DCHS2: variants seen among roughly 807,000 people sequenced by gnomAD.
DCHS2 encodes dachsous cadherin-related 2, also known as protocadherin-23.
Under a neutral mutation model 182.4 loss-of-function variants are expected in DCHS2, and 142 were observed. The ratio of observed to expected loss-of-function variants is 0.78; its 90% CI spans 0.68 to 0.89. The LOEUF (loss-of-function observed/expected upper bound fraction) is 0.89. DCHS2 is among the 40% of genes least tolerant of loss of function. DCHS2 has a pLI of 0.00. For synonymous variants in DCHS2, 1,740 were observed against 1,663.3 expected (o/e 1.05, Z -1.12); for missense variants, 4,319 against 4,198.6 (o/e 1.03, Z -0.79).
In DCHS2 at chr4:154,490,838, T is replaced by C; in HGVS notation, c.518A>G (p.Gln173Arg). ...CGGGCTGAGCTCGGAGACGTCGAGT[T>C]GCAGGGAGTCGAGGGGAAAGCGGGG... is the stretch of plus-strand genomic sequence containing the variant. ...HSPRFPLDSL[Q>R]LDVSELSPPG... The change falls in exon 1 of 20, where the codon CAA (glutamine) becomes CGA (arginine). Residue 173 changes from glutamine to arginine, a missense_variant. Coordinates refer to ENST00000357232, the MANE Select transcript of DCHS2 (RefSeq NM_001358235.2). 1.3e-6 allele frequency: 2 copies of C among 1,551,584 alleles called. No individual in the cohort carries two copies. Among genetic ancestry groups the C allele is most frequent in the Non-Finnish European group, 1.7e-6 (2 of 1,146,934 alleles).
intron 13 of DCHS2, among the ~76,000 whole-genome samples, chr4:154,288,103 T>C (rs1004015546): frequency 6.6e-5 from 10 of 152,042 alleles, no homozygotes; most frequent in Non-Finnish European, 1.3e-4. Flanking sequence ...GTAACTGGAC[T>C]AAACTCCCCA....
rs539539552 is a variant in DCHS2 at position 154,367,702 on chromosome 4, T to C, written c.2245-1261A>G. 4.6e-5 allele frequency among the ~76,000 whole-genome samples: 7 copies of C among 152,318 alleles called. No individual in the cohort carries two copies. In the East Asian group the frequency reaches 1.4e-3, roughly 29 times the overall value. ...AACAGCCTGGGTTTTCTCACTCATG[T>C]ATCCTCCCCCTCTTCATCTTTTTTG... On this transcript the variant is annotated intron_variant, in intron 2 of 19. Coordinates refer to ENST00000357232, the MANE Select transcript of DCHS2 (RefSeq NM_001358235.2).
chr4:154,318,326 GA>G (rs544080460), intron 9 of DCHS2, among the ~76,000 whole-genome samples: 19 of 150,932 alleles, frequency 1.3e-4, no homozygotes, highest in East Asian at 9.7e-4. Flanking sequence ...CATTTTAAGA[GA>G]AAAAAAAGAA....
At chr4:154,327,567 T>A (rs1446981832) in intron 7 of DCHS2, among the ~76,000 whole-genome samples, 1 of 152,000 alleles carries the variant, frequency 6.6e-6, no homozygotes, top group Non-Finnish European at 1.5e-5. Flanking sequence ...CCAATTAAAG[T>A]AAATAACTGG....
chr4:154,367,085 G>A (rs1275294922), intron 2 of DCHS2, among the ~76,000 whole-genome samples: 2 of 152,190 alleles, frequency 1.3e-5, no homozygotes, highest in Non-Finnish European at 2.9e-5. Flanking sequence ...AGGCAGGAAC[G>A]TGGTGTACCT....
chr4:154,280,887 G>T (rs1734104364), intron 13 of DCHS2, among the ~76,000 whole-genome samples: 1 of 151,570 alleles, frequency 6.6e-6, no homozygotes. Flanking sequence ...GAGTGCAACG[G>T]CATGATCTCG....
rs70947163 is a variant in DCHS2, at chr4:154,417,204, TGAGAGAGAGAGAGA to T, written c.2053-39774_2053-39761del. On this transcript the variant is annotated intron_variant, in intron 1 of 19. Coordinates refer to ENST00000357232, the MANE Select transcript of DCHS2 (RefSeq NM_001358235.2). ...GTGTGTGTGTGTGTGTGTGTGTGTG[TGAGAGAGAGAGAGA>T]GAGAGAGAGAGAGAGAGAGAGAGAG... 4.9e-3 allele frequency among the ~76,000 whole-genome samples: 193 copies of T among 39,500 alleles called. 2 individuals are homozygous for T. Among genetic ancestry groups the T allele is most frequent in the African/African-American group, 0.014 (152 of 10,636 alleles). The allele number at this position is 39,500 out of a possible 152,430, so 25.9% of individuals were successfully genotyped here.
rs139742072 is a variant in DCHS2, at chr4:154,355,433, T to C, written c.2476+10777A>G. 8.3e-3 allele frequency among the ~76,000 whole-genome samples: 1,266 copies of C among 152,328 alleles called. 17 individuals carry two copies. Among genetic ancestry groups the C allele is most frequent in the African/African-American group, 0.028 (1,176 of 41,560 alleles). Reference sequence around the variant, plus strand: ...CTCAATTTGGAGAATTTCCTGCCCCTTTCCCAGAAAACTCAGAAATAATCC... The same window carrying C: ...CTCAATTTGGAGAATTTCCTGCCCCCTTCCCAGAAAACTCAGAAATAATCC... On this transcript the variant is annotated intron_variant, in intron 3 of 19. Coordinates refer to ENST00000357232, the MANE Select transcript of DCHS2 (RefSeq NM_001358235.2).
chr4:154,474,986 C>T (rs4696582), intron 1 of DCHS2, among the ~76,000 whole-genome samples: 112,793 of 151,952 alleles, frequency 0.74, 42,410 homozygotes, highest in East Asian at 0.85. Context: ...AAGTTATGAA[C>T]CAGTAGGACA....
At chr4:154,269,514 G>A (rs1342024170) in intron 14 of DCHS2, 2 of 169,896 alleles carry the variant, frequency 1.2e-5, no homozygotes, top group Non-Finnish European at 2.5e-5. Flanking sequence ...ACATTCAGTA[G>A]CAAATTACAA....
chr4:154,290,866 A>G (rs1734628198), intron 13 of DCHS2, among the ~76,000 whole-genome samples: 1 of 152,178 alleles, frequency 6.6e-6, no homozygotes, highest in Admixed American at 6.6e-5. Context: ...ACGCTCTAGG[A>G]AATTGGAGTG....
At position 154,234,712 on chromosome 4, in the gene DCHS2, G is replaced by C. The variant is rs1731365762; in HGVS notation, c.9940C>G (p.Pro3314Ala). 3.1e-6 allele frequency: 5 copies of C among 1,613,908 alleles called. 1 individual carries two copies. In the South Asian group the frequency reaches 3.3e-5, roughly 11 times the overall value. ...TCTGGCAGAGAACCAAGATGGTAGG[G>C]GATGGGAGAGCGTGGGTGTTTCGGA... ...VPPKHPRSPI[P>A]YHLGSLPEGM... The change falls in exon 20 of 20, where the codon CCC becomes GCC. Residue 3314 changes from proline to alanine, a missense_variant. By Grantham distance (27) the Pro-to-Ala change is conservative (BLOSUM62 -1). Coordinates refer to ENST00000357232, the MANE Select transcript of DCHS2 (RefSeq NM_001358235.2).
In DCHS2 at chr4:154,242,772, G is replaced by A. The variant is rs1306552748; in HGVS notation, c.6942C>T (p.Ser2314=). 2 of 1,600,660 alleles carry A rather than the reference G, an allele frequency of 1.2e-6. No individual in the cohort carries two copies. The highest frequency in any genetic ancestry group is 3.5e-5 in the Admixed American group (2 of 56,962). The part of the protein sequence containing the change: ...ILDYELTSSY[S]LIVQATDKGM... ...CTTTATCTGTGGCTTGGACAATCAAGCTGGTTTGGAAAAAGAATCAAAGAA... is the reference window on the plus strand; with the variant it reads ...CTTTATCTGTGGCTTGGACAATCAAACTGGTTTGGAAAAAGAATCAAAGAA... The change falls in exon 17 of 20, where the codon AGC becomes AGT. Residue 2314 remains serine, a splice_region_variant and synonymous_variant. Coordinates refer to ENST00000357232, the MANE Select transcript of DCHS2 (RefSeq NM_001358235.2).
At chr4:154,464,602 CA>C (rs1307598502) in intron 1 of DCHS2, among the ~76,000 whole-genome samples, 1 of 152,134 alleles carries the variant, frequency 6.6e-6, no homozygotes, top group Non-Finnish European at 1.5e-5. Context: ...CCATTAAAGG[CA>C]CACAGATCTC....
rs751795218 is a variant in DCHS2, at chr4:154,304,860, C to G, written c.5414G>C (p.Gly1805Ala). ...FTLRVLVRDGGFPSLSSTTTI... is the reference protein window; with the variant it reads ...FTLRVLVRDGAFPSLSSTTTI... ...TGTGGTGCTGGACAATGAAGGGAAT[C>G]CCCCATCTCGTACTAGTACTGACAC... Residue 1805 changes from glycine to alanine, a missense_variant, in exon 12 of 20, where the codon GGA (glycine) becomes GCA (alanine). Gly to Ala is a moderately conservative substitution (Grantham distance 60, BLOSUM62 0). Transcript: ENST00000357232. The G allele has an allele frequency of 6.2e-7, 1 of 1,611,832 alleles. No homozygotes were observed. The highest frequency in any genetic ancestry group is 1.7e-5 in the Admixed American group (1 of 59,762).
At chr4:154,408,417 T>C (rs1301627731) in intron 1 of DCHS2, among the ~76,000 whole-genome samples, 1 of 152,236 alleles carries the variant, frequency 6.6e-6, no homozygotes. Flanking sequence ...CTATAATTTG[T>C]ATATGTTGAC....
chr4:154,446,287 AG>A (rs1734282038), intron 1 of DCHS2, among the ~76,000 whole-genome samples: 1 of 152,212 alleles, frequency 6.6e-6, no homozygotes, highest in Admixed American at 6.5e-5. Flanking sequence ...TACATCCTTG[AG>A]AGTCAAATGT....
At chr4:154,299,870 T>C (rs1361169222) in intron 12 of DCHS2, among the ~76,000 whole-genome samples, 5 of 152,132 alleles carry the variant, frequency 3.3e-5, no homozygotes, top group Non-Finnish European at 7.3e-5. Flanking sequence ...TAAAGTACCA[T>C]GTGAAAATCA....
chr4:154,243,775 T>C (rs1578847316), intron 16 of DCHS2, among the ~76,000 whole-genome samples: 4 of 152,188 alleles, frequency 2.6e-5, no homozygotes, highest in South Asian at 4.1e-4. Context: ...GAATGCTCTA[T>C]ATGTATTGTA....
Sources: gnomAD v4.1 joint callset for allele counts (sites outside exome capture counted in the v4.1 genomes callset) on GRCh38, gnomAD v4.1.1 for gene constraint, MANE v1.5 for transcripts, NCBI Gene and HGNC (gene_info 2026-07-23, HGNC 2026-07-21) for gene names.